The following SLC35F3 variants were observed in gnomAD, a reference collection of about 807,000 sequenced individuals.
SLC35F3 encodes the protein putative thiamine transporter SLC35F3.
Under a neutral mutation model 49.9 loss-of-function variants are expected in SLC35F3, and 25 were observed. The ratio of observed to expected loss-of-function variants is 0.50; its 90% CI spans 0.37 to 0.70. The LOEUF (loss-of-function observed/expected upper bound fraction) is 0.70. Ranked by LOEUF, SLC35F3 falls within the 30% of genes least tolerant of loss-of-function variation. The pLI, the probability that SLC35F3 is intolerant of heterozygous loss-of-function variation, is 0.00. For synonymous variants in SLC35F3, 275 were observed against 265.4 expected (o/e 1.04, Z -0.35); for missense variants, 525 against 639.8 (o/e 0.82, Z 1.94).
intron 2 of SLC35F3, among the ~76,000 whole-genome samples, chr1:233,920,069 A>G (rs570426924): frequency 1.2e-4 from 18 of 152,216 alleles, no homozygotes; most frequent in Non-Finnish European, 2.5e-4. Flanking sequence ...GAAGTTACAG[A>G]GTAATGAAGA....
chr1:234,029,658 C>T (rs1450776265), intron 2 of SLC35F3, among the ~76,000 whole-genome samples: 3 of 152,138 alleles, frequency 2.0e-5, no homozygotes, highest in Non-Finnish European at 4.4e-5. Context: ...TTCCTATTTT[C>T]CACCCTTTCC....
At position 234,162,381 on chromosome 1, in the gene SLC35F3, CAAAAAAAAAAAAA is replaced by C. The variant is rs147145054; in HGVS notation, c.284-69019_284-69007del. On this transcript the variant is annotated intron_variant, in intron 2 of 7. Coordinates refer to ENST00000366618, the MANE Select transcript of SLC35F3 (RefSeq NM_173508.4). ...AGGAACATTCAACTAAGCCTCTGTG[CAAAAAAAAAAAAA>C]AAAAAAAAAAAAAAAAGCAATCTTT... Among the ~76,000 whole-genome samples, 67 of 58,570 alleles carry C rather than the reference CAAAAAAAAAAAAA, an allele frequency of 1.1e-3. 1 individual carries two copies. The highest frequency in any genetic ancestry group is 3.0e-3 in the African/African-American group (48 of 15,768). 38.4% of individuals were successfully genotyped at this position (58,570 alleles called of 152,430 possible).
intron 2 of SLC35F3, among the ~76,000 whole-genome samples, chr1:234,157,418 T>C (rs1666170645): frequency 6.6e-6 from 1 of 152,168 alleles, no homozygotes; most frequent in Admixed American, 6.5e-5. Context: ...CACTGGGCAC[T>C]AGTGGCCTGG....
chr1:234,078,079 T>C (rs1005455865), intron 2 of SLC35F3, among the ~76,000 whole-genome samples: 2 of 152,206 alleles, frequency 1.3e-5, no homozygotes, highest in African/African-American at 2.4e-5. Flanking sequence ...CACCTGCAGG[T>C]TGAATCCTGT....
At chr1:234,278,548 A>ATT (rs1397318183) in intron 3 of SLC35F3, among the ~76,000 whole-genome samples, 2 of 151,976 alleles carry the variant, frequency 1.3e-5, no homozygotes, top group Non-Finnish European at 2.9e-5. Flanking sequence ...TGTCATTCGC[A>ATT]TTTCTTTCTC....
At chr1:233,924,498 T>C (rs1344792458) in intron 2 of SLC35F3, among the ~76,000 whole-genome samples, 2 of 152,252 alleles carry the variant, frequency 1.3e-5, no homozygotes, top group Non-Finnish European at 2.9e-5. Context: ...ATATCTGCCT[T>C]ATCATTTTTT....
intron 2 of SLC35F3, among the ~76,000 whole-genome samples, chr1:233,963,067 A>T (rs1297505670): frequency 1.3e-5 from 2 of 152,238 alleles, no homozygotes; most frequent in Non-Finnish European, 2.9e-5. Flanking sequence ...AGAGACAAGC[A>T]TTAGCCCTGT....
rs1429717982 is a variant in SLC35F3, at chr1:234,323,044, G to T, written c.1274G>T (p.Gly425Val). ...TACACCAGTCAGATCGTCTTCAATG[G>T]GGTCCGGGTCATCGCCATCATCATC... ...DHYTSQIVFN[G>V]VRVIAIIIIG... Residue 425 changes from glycine to valine, a missense_variant, in exon 8 of 8, where the codon GGG (glycine) becomes GTG (valine). Gly to Val is a moderately radical substitution (Grantham distance 109). Transcript: ENST00000366618. This position sits in a 1 kb window ranked among gnomAD's most constrained non-coding sequence, Gnocchi z 4.5. The T allele has an allele frequency of 1.9e-6, 3 of 1,613,932 alleles. No homozygotes were observed. Among genetic ancestry groups the T allele is most frequent in the African/African-American group, 2.7e-5 (2 of 74,888 alleles).
intron 2 of SLC35F3, among the ~76,000 whole-genome samples, chr1:234,099,851 T>G (rs567370882): frequency 6.6e-6 from 1 of 152,282 alleles, no homozygotes; most frequent in South Asian, 2.1e-4. Context: ...TTCTACACTT[T>G]TGAGTTGATG....
intron 2 of SLC35F3, among the ~76,000 whole-genome samples, chr1:233,955,691 C>T (rs1288396835): frequency 1.3e-5 from 2 of 151,886 alleles, no homozygotes; most frequent in African/African-American, 4.8e-5. Flanking sequence ...TCTGATCGTT[C>T]ACACTGATAC....
chr1:234,306,552 C>G (rs970527730), intron 3 of SLC35F3: 4 of 152,478 alleles, frequency 2.6e-5, no homozygotes, highest in African/African-American at 7.2e-5. Flanking sequence ...ACAAAGCTCA[C>G]CAGTCCAGGG....
chr1:233,912,696 G>A (rs1471282353), intron 2 of SLC35F3, among the ~76,000 whole-genome samples: 1 of 152,190 alleles, frequency 6.6e-6, no homozygotes, highest in Admixed American at 6.5e-5. Context: ...TAGACAGCGT[G>A]GATACGCTGG....
chr1:234,093,260 G>A (rs1017621080), intron 2 of SLC35F3, among the ~76,000 whole-genome samples: 1 of 152,180 alleles, frequency 6.6e-6, no homozygotes, highest in African/African-American at 2.4e-5. Flanking sequence ...GAGAACAAAA[G>A]GCTTTATCTG....
intron 2 of SLC35F3, among the ~76,000 whole-genome samples, chr1:234,045,647 A>G (rs540548353): frequency 6.6e-6 from 1 of 152,140 alleles, no homozygotes; most frequent in Non-Finnish European, 1.5e-5. Context: ...ATAACGTATT[A>G]TATGCACAAG....
At chr1:234,044,552 C>A (rs1664263839) in intron 2 of SLC35F3, among the ~76,000 whole-genome samples, 1 of 152,204 alleles carries the variant, frequency 6.6e-6, no homozygotes, top group South Asian at 2.1e-4. Flanking sequence ...CCAGTTTACA[C>A]ATCCACCAGA....
chr1:234,013,203 G>C (rs1338630892), intron 2 of SLC35F3, among the ~76,000 whole-genome samples: 1 of 152,098 alleles, frequency 6.6e-6, no homozygotes, highest in Non-Finnish European at 1.5e-5. Flanking sequence ...TTACAAAGGA[G>C]TAAAAATTAA....
At chr1:233,965,033 A>T (rs532024889) in intron 2 of SLC35F3, among the ~76,000 whole-genome samples, 1 of 152,286 alleles carries the variant, frequency 6.6e-6, no homozygotes, top group East Asian at 1.9e-4. Context: ...GACTCAGAAC[A>T]TTAGGGGCCT....
At chr1:234,020,245 T>G (rs1274708991) in intron 2 of SLC35F3, among the ~76,000 whole-genome samples, 3 of 152,250 alleles carry the variant, frequency 2.0e-5, no homozygotes, top group Non-Finnish European at 4.4e-5. Context: ...TTTAGCATTT[T>G]TTGTTTCTGT....
chr1:234,249,824 C>T (rs544373547), intron 3 of SLC35F3, among the ~76,000 whole-genome samples: 1 of 152,152 alleles, frequency 6.6e-6, no homozygotes, highest in Non-Finnish European at 1.5e-5. Context: ...TGCGTCTAGC[C>T]CTGAGGCTGC....
Sources: gnomAD v4.1 joint callset for allele counts (sites outside exome capture counted in the v4.1 genomes callset) on GRCh38, gnomAD v4.1.1 for gene constraint, Gnocchi (gnomAD v3.1) non-coding constraint, MANE v1.5 for transcripts, NCBI Gene and HGNC (gene_info 2026-07-23, HGNC 2026-07-21) for gene names.